The following SPAG16 variants were observed in gnomAD, a reference collection of about 807,000 sequenced individuals.
SPAG16 encodes the protein sperm-associated antigen 16 protein.
Under a neutral mutation model 80.4 loss-of-function variants are expected in SPAG16, and 86 were observed. That is an observed-to-expected ratio of 1.07 (90% confidence interval 0.90 to 1.28). The LOEUF is 1.28. Ranked by LOEUF, SPAG16 falls within the 50% of genes most tolerant of loss-of-function variation. The pLI is 0.00. For synonymous variants in SPAG16, 294 were observed against 265.9 expected, an observed-to-expected ratio of 1.11 and a Z score of -1.03; for missense variants, 870 against 765.3, an observed-to-expected ratio of 1.14 and a Z score of -1.61.
chr2:213,352,013 A>G (rs1479159280), intron 7 of SPAG16, among the ~76,000 whole-genome samples: 1 of 151,872 alleles, frequency 6.6e-6, no homozygotes, highest in African/African-American at 2.4e-5. Context: ...GTCTCAAGAG[A>G]TCTGGTGGTT....
At chr2:213,913,587 AC>A (rs2077788791) in intron 11 of SPAG16, among the ~76,000 whole-genome samples, 1 of 7,900 alleles carries the variant, frequency 1.3e-4, no homozygotes, top group African/African-American at 2.1e-4. Flanking sequence ...ATGTACATGT[AC>A]ATATATGTAT....
intron 10 of SPAG16, among the ~76,000 whole-genome samples, chr2:213,504,920 C>CA (rs1364184054): frequency 6.6e-6 from 1 of 152,152 alleles, no homozygotes; most frequent in Non-Finnish European, 1.5e-5. Context: ...CCCAGATTGG[C>CA]AAAAAATTCA....
At chr2:214,177,908 T>TATATACAC (rs1482858949) in intron 15 of SPAG16, among the ~76,000 whole-genome samples, 4 of 74,586 alleles carry the variant, frequency 5.4e-5, no homozygotes, top group South Asian at 8.8e-4. Context: ...TACATATATA[T>TATATACAC]ATATATACAT....
At chr2:213,451,480 A>G (rs1290308076) in intron 9 of SPAG16, among the ~76,000 whole-genome samples, 3 of 152,218 alleles carry the variant, frequency 2.0e-5, no homozygotes, top group Non-Finnish European at 1.5e-5. Flanking sequence ...ACATGAACTC[A>G]TAGTATCTCC....
At chr2:213,422,426 T>C in intron 9 of SPAG16, 1 of 627,296 alleles carries the variant, frequency 1.6e-6, no homozygotes, top group East Asian at 2.7e-5. Context: ...CTGGACCTGG[T>C]TCTCACTTGC....
chr2:213,628,054 A>G (rs1403114148), intron 10 of SPAG16, among the ~76,000 whole-genome samples: 1 of 152,202 alleles, frequency 6.6e-6, no homozygotes, highest in Non-Finnish European at 1.5e-5. Flanking sequence ...CCATATTCTC[A>G]TGCCCTGCAT....
At chr2:213,613,283 C>T (rs1488070829) in intron 10 of SPAG16, among the ~76,000 whole-genome samples, 2 of 152,182 alleles carry the variant, frequency 1.3e-5, no homozygotes, top group Non-Finnish European at 2.9e-5. Flanking sequence ...TACTCCTTGG[C>T]TCACAAAACT....
At chr2:213,679,626 G>T (rs1322960886) in intron 10 of SPAG16, among the ~76,000 whole-genome samples, 1 of 152,072 alleles carries the variant, frequency 6.6e-6, no homozygotes, top group African/African-American at 2.4e-5. Context: ...TGATTTATGT[G>T]TTTGCCATTT....
chr2:214,395,825 C>T (rs1336052147), intron 15 of SPAG16, among the ~76,000 whole-genome samples: 3 of 152,060 alleles, frequency 2.0e-5, no homozygotes, highest in Non-Finnish European at 4.4e-5. Flanking sequence ...AGATAATGGC[C>T]TCCAGCTCCA....
intron 15 of SPAG16, among the ~76,000 whole-genome samples, chr2:214,371,871 G>A (rs923442975): frequency 1.3e-5 from 2 of 151,580 alleles, no homozygotes; most frequent in East Asian, 3.9e-4. Context: ...AGTAGAGACG[G>A]GATTTCACCA....
chr2:213,376,320 T>C (rs1312323191), intron 9 of SPAG16, among the ~76,000 whole-genome samples: 1 of 151,912 alleles, frequency 6.6e-6, no homozygotes, highest in Non-Finnish European at 1.5e-5. Context: ...CTTATAAGAG[T>C]TTAGATTAAT....
intron 9 of SPAG16, among the ~76,000 whole-genome samples, chr2:213,462,338 C>T (rs2072421959): frequency 1.3e-5 from 2 of 152,226 alleles, no homozygotes; most frequent in Non-Finnish European, 2.9e-5. Flanking sequence ...ATTGATGCCT[C>T]AGCCATAAAA....
At chr2:214,369,228 T>G (rs1307419352) in intron 15 of SPAG16, among the ~76,000 whole-genome samples, 1 of 152,092 alleles carries the variant, frequency 6.6e-6, no homozygotes, top group Non-Finnish European at 1.5e-5. Context: ...TGGGCACACC[T>G]CTTGGCAACC....
At chr2:213,927,885 A>C (rs948926112) in intron 11 of SPAG16, among the ~76,000 whole-genome samples, 8 of 152,216 alleles carry the variant, frequency 5.3e-5, no homozygotes, top group African/African-American at 1.9e-4. Context: ...AGCATGCTTA[A>C]ATAATTTTTA....
intron 15 of SPAG16, among the ~76,000 whole-genome samples, chr2:214,169,007 T>G (rs75965560): frequency 6.6e-6 from 1 of 152,270 alleles, no homozygotes; most frequent in African/African-American, 2.4e-5. Context: ...TTTCCAAAAC[T>G]AAGTCATTAT....
At chr2:214,387,804 C>T (rs1700844211) in intron 15 of SPAG16, among the ~76,000 whole-genome samples, 2 of 152,130 alleles carry the variant, frequency 1.3e-5, no homozygotes, top group Non-Finnish European at 2.9e-5. Context: ...CTCATGAGAA[C>T]TAACTCACTG....
At chr2:213,335,418 CTA>C (rs2064305885) in intron 5 of SPAG16, among the ~76,000 whole-genome samples, 1 of 152,094 alleles carries the variant, frequency 6.6e-6, no homozygotes, top group Non-Finnish European at 1.5e-5. Flanking sequence ...AAAAAATACA[CTA>C]TATATATTTA....
chr2:213,385,428 A>G (rs1437128531), intron 9 of SPAG16, among the ~76,000 whole-genome samples: 1 of 152,146 alleles, frequency 6.6e-6, no homozygotes, highest in Non-Finnish European at 1.5e-5. Context: ...TCTTACCTCA[A>G]TGACCTCAGG....
intron 15 of SPAG16, among the ~76,000 whole-genome samples, chr2:214,409,268 C>G (rs34942799): frequency 6.8e-4 from 103 of 152,014 alleles, no homozygotes; most frequent in South Asian, 1.2e-3. Context: ...AATATGCCTT[C>G]TAAGTATGAT....
Sources: gnomAD v4.1 joint callset for allele counts (sites outside exome capture counted in the v4.1 genomes callset) on GRCh38, gnomAD v4.1.1 for gene constraint, MANE v1.5 for transcripts, NCBI Gene and HGNC (gene_info 2026-07-23, HGNC 2026-07-21) for gene names.